XCR1: variants seen among roughly 807,000 people sequenced by gnomAD.
The protein encoded by XCR1 is chemokine XC receptor 1.
For missense variants in XCR1, 356 were observed against 424.2 expected, an observed-to-expected ratio of 0.84 and a Z score of 1.41; for synonymous variants, 187 against 188.5, an observed-to-expected ratio of 0.99 and a Z score of 0.06.
In XCR1 at chr3:46,071,700, G is replaced by A. The variant is rs897486522; in HGVS notation, c.-263+2951C>T. 2.2e-4 allele frequency among the ~76,000 whole-genome samples: 33 copies of A among 151,940 alleles called. 1 individual carries two copies. The highest frequency in any genetic ancestry group is 9.8e-4 in the Admixed American group (15 of 15,250). ...GATTCACCACATAAACAGAACTAAG[G>A]ACATAAGCCATATGATCATCTCAAT... On this transcript the variant is annotated intron_variant, in intron 3 of 5. Transcript: ENST00000683768.
upstream of XCR1, among the ~76,000 whole-genome samples, chr3:46,031,888 G>A (rs919937357): frequency 2.0e-5 from 3 of 152,180 alleles, no homozygotes; most frequent in Non-Finnish European, 4.4e-5. Flanking sequence ...TCTGCTGAGA[G>A]CCGCAGAGAC....
rs546073621 is a variant in XCR1 at position 46,053,849 on chromosome 3, T to C, written c.-32+71A>G. On this transcript the variant is annotated intron_variant, in intron 5 of 5. Coordinates refer to the XCR1 transcript ENST00000683768. Reference sequence around the variant, plus strand: ...AGACCAATTCTGCCCCATGTTACCCTGATTCAGAAAACTTCCCATTCCCAG... The same window carrying C: ...AGACCAATTCTGCCCCATGTTACCCCGATTCAGAAAACTTCCCATTCCCAG... Among the ~76,000 whole-genome samples the C allele has an allele frequency of 4.6e-5, 7 of 152,278 alleles. No homozygotes were observed. In the East Asian group the frequency reaches 1.4e-3, roughly 29 times the overall value.
At position 46,017,712 on chromosome 3, in the gene XCR1, G is replaced by A. The variant is rs1708069182; in HGVS notation, c.*3234C>T. On this transcript the variant is annotated 3_prime_UTR_variant, in exon 2 of 2. Coordinates refer to ENST00000309285, the MANE Select transcript of XCR1 (RefSeq NM_001024644.2). ...AGATCAGCGAGGTTCTTCTCTTCTG[G>A]ATTCTGTCTGAGGGAAACTGGAGGT... is the stretch of plus-strand genomic sequence containing the variant. 6.6e-6 allele frequency: 1 copy of A among 152,270 alleles called. No homozygotes were observed. The highest frequency in any genetic ancestry group is 6.5e-5 in the Admixed American group (1 of 15,272). 9.4% of individuals were successfully genotyped at this position (152,270 alleles called of 1,614,324 possible).
upstream of XCR1, among the ~76,000 whole-genome samples, chr3:46,029,838 T>A (rs1367670088): frequency 6.6e-6 from 1 of 152,234 alleles, no homozygotes; most frequent in African/African-American, 2.4e-5. Context: ...TTCTTTAGTT[T>A]TTTTTCCACA....
At chr3:46,041,570 A>G (rs1432964155) in intron 5 of XCR1, among the ~76,000 whole-genome samples, 1 of 152,196 alleles carries the variant, frequency 6.6e-6, no homozygotes, top group Non-Finnish European at 1.5e-5. Flanking sequence ...AGAAAGATCA[A>G]TGACCAGATT....
intron 4 of XCR1, among the ~76,000 whole-genome samples, chr3:46,066,535 G>A (rs533312759): frequency 3.9e-5 from 6 of 152,144 alleles, no homozygotes; most frequent in Admixed American, 2.0e-4. Flanking sequence ...CGGCCATCCC[G>A]CCCAGCCACA....
chr3:46,029,180 G>A (rs886384326), upstream of XCR1, among the ~76,000 whole-genome samples: 10 of 152,122 alleles, frequency 6.6e-5, no homozygotes, highest in African/African-American at 2.4e-4. Context: ...AATGGGGAAA[G>A]CCATACATCT....
intron 1 of XCR1, among the ~76,000 whole-genome samples, chr3:46,081,966 C>T (rs1419425026): frequency 6.6e-6 from 1 of 152,112 alleles, no homozygotes; most frequent in Non-Finnish European, 1.5e-5. Context: ...ATTTTGATTA[C>T]TGGAAAGGAT....
chr3:46,043,762 A>ACACACACAC (rs1697577640), intron 5 of XCR1, among the ~76,000 whole-genome samples: 1 of 147,534 alleles, frequency 6.8e-6, no homozygotes, highest in Admixed American at 6.7e-5. Flanking sequence ...ACACACACAC[A>ACACACACAC]AGAATGCCTA....
intron 1 of XCR1, chr3:46,022,215 A>G (rs1483858800): frequency 2.6e-6 from 1 of 382,386 alleles, no homozygotes; most frequent in African/African-American, 2.0e-5. Context: ...GGGTGGGGAA[A>G]GATTGCTTGA....
chr3:46,046,440 C>A (rs1697628882), intron 5 of XCR1, among the ~76,000 whole-genome samples: 1 of 152,234 alleles, frequency 6.6e-6, no homozygotes, highest in South Asian at 2.1e-4. Context: ...GAAGTGACTG[C>A]CTTCAGCAAA....
At chr3:46,045,114 A>C (rs537799058) in intron 5 of XCR1, among the ~76,000 whole-genome samples, 4 of 152,248 alleles carry the variant, frequency 2.6e-5, no homozygotes, top group Admixed American at 2.0e-4. Context: ...GTCAAAAAAA[A>C]CCCCTAAATG....
intron 1 of XCR1, among the ~76,000 whole-genome samples, chr3:46,023,132 G>A (rs1473118771): frequency 1.3e-5 from 2 of 152,128 alleles, no homozygotes; most frequent in Non-Finnish European, 2.9e-5. Flanking sequence ...GCGGGGTCGC[G>A]GCGGCGGCGC....
chr3:46,053,725 A>G (rs1347008644), intron 5 of XCR1, among the ~76,000 whole-genome samples: 2 of 152,084 alleles, frequency 1.3e-5, no homozygotes, highest in Non-Finnish European at 2.9e-5. Context: ...GTTATGCATA[A>G]TAACCTCCCA....
chr3:46,063,737 C>T (rs1333081411), intron 4 of XCR1, among the ~76,000 whole-genome samples: 1 of 152,208 alleles, frequency 6.6e-6, no homozygotes, highest in Non-Finnish European at 1.5e-5. Context: ...CTCTCACGTC[C>T]CCCTTCCCCT....
chr3:46,036,628 T>A (rs1403335584), intron 5 of XCR1, among the ~76,000 whole-genome samples: 1 of 152,216 alleles, frequency 6.6e-6, no homozygotes, highest in East Asian at 1.9e-4. Context: ...ACATATATTT[T>A]TGTTTGGGCT....
rs1457118549 is a variant in XCR1 at position 46,018,191 on chromosome 3, C to T, written c.*2755G>A. On this transcript the variant is annotated 3_prime_UTR_variant, in exon 2 of 2. Coordinates refer to ENST00000309285, the MANE Select transcript of XCR1 (RefSeq NM_001024644.2). ...ATATGAAACGCTCCCAGGGAGATGG[C>T]TGGATGTGCTGAAAGAAATACAAGA... 1 of 152,120 alleles carries T rather than the reference C, an allele frequency of 6.6e-6. No homozygotes were observed. The highest frequency in any genetic ancestry group is 1.5e-5 in the Non-Finnish European group (1 of 68,058). 9.4% of individuals were successfully genotyped at this position (152,120 alleles called of 1,614,324 possible). A position where few individuals can be genotyped will look rare whatever the true frequency, so the allele number is the denominator to read the frequency against.
chr3:46,022,041 G>A, intron 1 of XCR1, 63 bp from the exon 2 acceptor site: 1 of 1,415,498 alleles, frequency 7.1e-7, no homozygotes, highest in Non-Finnish European at 9.6e-7. Context: ...GCTAACACCT[G>A]TAATCCTAGC....
chr3:46,064,229 C>A (rs1052890333), intron 4 of XCR1, among the ~76,000 whole-genome samples: 2 of 152,156 alleles, frequency 1.3e-5, no homozygotes, highest in African/African-American at 4.8e-5. Flanking sequence ...GAACACATAT[C>A]ATGTGCCAGG....
Sources: gnomAD v4.1 joint callset for allele counts (sites outside exome capture counted in the v4.1 genomes callset) on GRCh38, gnomAD v4.1.1 for gene constraint, MANE v1.5 for transcripts, NCBI Gene and HGNC (gene_info 2026-07-23, HGNC 2026-07-21) for gene names.